The following KIAA1217 variants were observed in gnomAD, a reference collection of about 807,000 sequenced individuals.
KIAA1217 encodes the protein sickle tail protein homolog.
In KIAA1217, 88 loss-of-function variants were observed where a neutral mutation model predicts 163.9. The observed-to-expected ratio is 0.54, with a 90% confidence interval of 0.45 to 0.64. The LOEUF is 0.64. Among genes scored for constraint, KIAA1217 ranks in the 30% least tolerant of loss-of-function variants. The pLI, the probability that KIAA1217 is intolerant of heterozygous loss-of-function variation, is 0.00. For missense variants in KIAA1217, 2,372 were observed against 2,475.0 expected (o/e 0.96, Z 0.88); for synonymous variants, 903 against 923.1 (o/e 0.98, Z 0.39).
chr10:24,066,338 G>C (rs934987599), intron 2 of KIAA1217, among the ~76,000 whole-genome samples: 1 of 151,510 alleles, frequency 6.6e-6, no homozygotes, highest in Non-Finnish European at 1.5e-5. Context: ...GGCAGGCCTG[G>C]TGGTGACAAA....
rs138380990 is a variant in KIAA1217, at chr10:24,180,920, ATTG to A, written c.-170-38699_-170-38697del. Among the ~76,000 whole-genome samples, 623 of 152,220 alleles carry A rather than the reference ATTG, an allele frequency of 4.1e-3. 1 individual carries two copies. The highest frequency in any genetic ancestry group is 0.015 in the African/African-American group (603 of 41,532). On this transcript the variant is annotated intron_variant, in intron 2 of 18. Coordinates refer to the KIAA1217 transcript ENST00000376462. ...CAGTCTGAGTCAAAATTCATCCCCT[ATTG>A]TTGTTGAAAAGGTAGGGTCCTGATA...
At chr10:24,378,530 C>A (rs926006154) in intron 2 of KIAA1217, among the ~76,000 whole-genome samples, 2 of 152,198 alleles carry the variant, frequency 1.3e-5, no homozygotes, top group Non-Finnish European at 2.9e-5. Flanking sequence ...TATATATTAT[C>A]TTTTGCCCCC....
intron 1 of KIAA1217, among the ~76,000 whole-genome samples, chr10:23,940,486 A>C (rs1454219219): frequency 6.7e-6 from 1 of 148,616 alleles, no homozygotes; most frequent in Non-Finnish European, 1.5e-5. Context: ...AAAAAAAAAG[A>C]AAAAAGAAAA....
At chr10:23,866,535 C>T (rs1840193331) in intron 1 of KIAA1217, among the ~76,000 whole-genome samples, 1 of 152,134 alleles carries the variant, frequency 6.6e-6, no homozygotes, top group Non-Finnish European at 1.5e-5. Flanking sequence ...TGTATTTAAT[C>T]TTGCTGATTT....
chr10:24,072,935 G>A (rs1285177454), intron 2 of KIAA1217, among the ~76,000 whole-genome samples: 2 of 151,876 alleles, frequency 1.3e-5, no homozygotes, highest in Non-Finnish European at 2.9e-5. Flanking sequence ...GTGCATGCCT[G>A]TAATCCCAGC....
At chr10:24,383,619 C>G (rs2053613123) in intron 3 of KIAA1217, among the ~76,000 whole-genome samples, 1 of 152,214 alleles carries the variant, frequency 6.6e-6, no homozygotes, top group African/African-American at 2.4e-5. Context: ...ATTCTGCCCT[C>G]CCTGTGAGGG....
chr10:24,054,629 C>T (rs1849753792), intron 2 of KIAA1217, among the ~76,000 whole-genome samples: 1 of 152,212 alleles, frequency 6.6e-6, no homozygotes, highest in Non-Finnish European at 1.5e-5. Flanking sequence ...TACAGTCATA[C>T]ATTACTCAAT....
intron 2 of KIAA1217, among the ~76,000 whole-genome samples, chr10:24,137,510 G>A (rs978992811): frequency 6.6e-6 from 1 of 152,230 alleles, no homozygotes; most frequent in African/African-American, 2.4e-5. Context: ...TTCTTGAGAT[G>A]TCTAGCACCA....
At chr10:23,792,584 C>A (rs1836005228) in intron 1 of KIAA1217, among the ~76,000 whole-genome samples, 2 of 151,766 alleles carry the variant, frequency 1.3e-5, no homozygotes, top group African/African-American at 4.8e-5. Flanking sequence ...GCTCCGCCTC[C>A]CGGGTTCATG....
chr10:24,524,970 G>GTGAGACACCTGGCCTGTAGGAAGA (rs2071874596), intron 13 of KIAA1217, among the ~76,000 whole-genome samples: 1 of 152,020 alleles, frequency 6.6e-6, no homozygotes. Flanking sequence ...CTGTAGGAAG[G>GTGAGACACCTGGCCTGTAGGAAGA]TGAGACACCT....
intron 3 of KIAA1217, among the ~76,000 whole-genome samples, chr10:24,382,321 G>A (rs1353450554): frequency 2.6e-5 from 4 of 152,006 alleles, no homozygotes; most frequent in Non-Finnish European, 4.4e-5. Flanking sequence ...GCCTTGCTGG[G>A]AGAAGAAAGA....
At chr10:24,393,408 G>T (rs74844874) in intron 3 of KIAA1217, among the ~76,000 whole-genome samples, 4,005 of 152,260 alleles carry the variant, frequency 0.026, 181 homozygotes, top group African/African-American at 0.092. Context: ...TCTGTCTGGA[G>T]CAGGGAGGAG....
intron 12 of KIAA1217, among the ~76,000 whole-genome samples, chr10:24,523,524 G>A (rs1463830027): frequency 6.6e-6 from 1 of 151,966 alleles, no homozygotes; most frequent in Non-Finnish European, 1.5e-5. Context: ...AGGGGATGAG[G>A]GACTAACTAA....
intron 2 of KIAA1217, among the ~76,000 whole-genome samples, chr10:24,248,431 G>A (rs939541250): frequency 1.3e-5 from 2 of 152,102 alleles, no homozygotes; most frequent in African/African-American, 4.8e-5. Flanking sequence ...AGCACTTTGG[G>A]AGGCCAAGGC....
At chr10:23,759,458 G>A (rs114772132) in intron 1 of KIAA1217, among the ~76,000 whole-genome samples, 1,936 of 152,268 alleles carry the variant, frequency 0.013, 38 homozygotes, top group African/African-American at 0.045. Context: ...GAATAGAAGT[G>A]GAAAAGTGGG....
rs117709482 is a variant in KIAA1217, at chr10:24,232,383, C to T, written c.354+12474C>T. On this transcript the variant is annotated intron_variant, in intron 2 of 20. Coordinates refer to ENST00000376454, the MANE Select transcript of KIAA1217 (RefSeq NM_019590.5). ...CATTAGCTTTCATTTTAATTAGTGACATGGAAGAGCAAGAGAACATATCTT... is the reference window on the plus strand; with the variant it reads ...CATTAGCTTTCATTTTAATTAGTGATATGGAAGAGCAAGAGAACATATCTT... Among the ~76,000 whole-genome samples the T allele has an allele frequency of 2.9e-3, 448 of 152,234 alleles. 9 individuals are homozygous for T. The East Asian group carries it at 0.053, about 18-fold the overall frequency.
chr10:24,349,173 T>G (rs2048167144), intron 2 of KIAA1217, among the ~76,000 whole-genome samples: 1 of 148,986 alleles, frequency 6.7e-6, no homozygotes, highest in South Asian at 2.1e-4. Flanking sequence ...AGATCTGAGA[T>G]CTCATATTTT....
chr10:24,020,801 G>T (rs1454501486), intron 2 of KIAA1217, among the ~76,000 whole-genome samples: 2 of 151,812 alleles, frequency 1.3e-5, no homozygotes, highest in African/African-American at 2.4e-5. Flanking sequence ...CAAAGCAGAG[G>T]AGACAGACTC....
chr10:24,361,704 G>A (rs1320752908), intron 2 of KIAA1217, among the ~76,000 whole-genome samples: 2 of 151,974 alleles, frequency 1.3e-5, no homozygotes, highest in Non-Finnish European at 2.9e-5. Flanking sequence ...GGCCAGGGGC[G>A]ATGGCTCACG....
Sources: allele counts gnomAD v4.1 joint callset (sites outside exome capture counted in the v4.1 genomes callset), GRCh38; gene constraint gnomAD v4.1.1; transcripts MANE v1.5; gene names NCBI Gene and HGNC (gene_info 2026-07-23, HGNC 2026-07-21).